Variants in SCAPER observed in about 807,000 individuals in gnomAD.
The protein encoded by SCAPER is S-phase cyclin A associated protein in the ER.
A neutral mutation model predicts 182.2 loss-of-function variants in SCAPER; 98 were observed. That is an observed-to-expected ratio of 0.54 (90% CI 0.46 to 0.64). The LOEUF is 0.64. SCAPER is among the 30% of genes least tolerant of loss of function. The pLI is 0.00. For missense variants in SCAPER, 1,432 were observed against 1,690.0 expected (o/e 0.85, Z 2.68); for synonymous variants, 605 against 564.6 (o/e 1.07, Z -1.01).
chr15:76,595,200 C>G (rs2049402102), intron 22 of SCAPER, among the ~76,000 whole-genome samples: 1 of 121,096 alleles, frequency 8.3e-6, no homozygotes, highest in Non-Finnish European at 2.0e-5. Context: ...TAAAACAGAC[C>G]TTTAGCCAAC....
chr15:76,764,110 T>C (rs1009132374), intron 14 of SCAPER, among the ~76,000 whole-genome samples: 8 of 152,252 alleles, frequency 5.3e-5, no homozygotes, highest in African/African-American at 1.7e-4. Flanking sequence ...TCAGAAAGGA[T>C]AGTCAATTGC....
rs1003554050 is a variant in SCAPER at position 76,728,487 on chromosome 15, C to T, written c.2165+108G>A. 1.2e-5 allele frequency: 17 copies of T among 1,443,940 alleles called. No individual in the cohort carries two copies. The Middle Eastern group carries it at 5.4e-4, about 46-fold the overall frequency. 89.4% of individuals were successfully genotyped at this position (1,443,940 alleles called of 1,614,324 possible). On this transcript the variant is annotated intron_variant, in intron 17 of 31. Coordinates refer to ENST00000563290, the MANE Select transcript of SCAPER (RefSeq NM_020843.4). ...AGTTCAAGATCAACCTGGGGAACAT[C>T]GCAAAACCTCATCTCAAAAAAACTC...
chr15:76,573,678 A>G (rs548019143), intron 23 of SCAPER, among the ~76,000 whole-genome samples: 2 of 152,240 alleles, frequency 1.3e-5, no homozygotes, highest in East Asian at 3.9e-4. Context: ...TCCTATAGTG[A>G]ATAATAAATA....
chr15:76,501,940 A>G (rs1238198624), intron 24 of SCAPER, among the ~76,000 whole-genome samples: 2 of 152,206 alleles, frequency 1.3e-5, no homozygotes, highest in Admixed American at 1.3e-4. Context: ...TTTAAATCTG[A>G]AGTGGTTACA....
intron 4 of SCAPER, chr15:76,855,840 G>A (rs2071311246): frequency 4.6e-6 from 2 of 436,730 alleles, no homozygotes; most frequent in Non-Finnish European, 9.3e-6. Flanking sequence ...AATTAGTTCG[G>A]CCATTATGGA....
intron 20 of SCAPER, among the ~76,000 whole-genome samples, chr15:76,698,178 A>C (rs969741517): frequency 6.6e-6 from 1 of 152,066 alleles, no homozygotes; most frequent in Non-Finnish European, 1.5e-5. Context: ...ATTTGAGGCA[A>C]ACTAGATTAT....
At chr15:76,423,759 T>C (rs1364833228) in intron 26 of SCAPER, among the ~76,000 whole-genome samples, 1 of 152,220 alleles carries the variant, frequency 6.6e-6, no homozygotes, top group East Asian at 1.9e-4. Context: ...GGGCATTCAG[T>C]GCTATAAATT....
At chr15:76,595,176 G>C (rs1309343453) in intron 22 of SCAPER, among the ~76,000 whole-genome samples, 1 of 121,388 alleles carries the variant, frequency 8.2e-6, no homozygotes, top group African/African-American at 2.5e-5. Flanking sequence ...AGGGGTTGCA[G>C]TCCTAGTCTC....
At chr15:76,568,224 T>TAC (rs1555487915) in intron 23 of SCAPER, among the ~76,000 whole-genome samples, 151 of 142,884 alleles carry the variant, frequency 1.1e-3, no homozygotes, top group African/African-American at 3.5e-3. Flanking sequence ...TATATATATA[T>TAC]ACAAATGGGA....
intron 22 of SCAPER, among the ~76,000 whole-genome samples, chr15:76,621,115 T>G (rs1427666265): frequency 6.6e-6 from 1 of 152,238 alleles, no homozygotes; most frequent in Non-Finnish European, 1.5e-5. Flanking sequence ...CCTAAACTGC[T>G]AATGCACACT....
intron 23 of SCAPER, among the ~76,000 whole-genome samples, chr15:76,538,406 G>C (rs950143924): frequency 6.6e-6 from 1 of 150,852 alleles, no homozygotes; most frequent in African/African-American, 2.4e-5. Flanking sequence ...ATGAGTTCAT[G>C]TCCTTTGTAG....
intron 18 of SCAPER, 114 bp from the exon 19 acceptor site, chr15:76,703,116 A>G: frequency 2.7e-6 from 3 of 1,118,206 alleles, no homozygotes; most frequent in Non-Finnish European, 3.7e-6. Flanking sequence ...CGTTTCTATG[A>G]CAACTTACAC....
chr15:76,426,394 G>A (rs1487947708), intron 26 of SCAPER, among the ~76,000 whole-genome samples: 3 of 152,186 alleles, frequency 2.0e-5, no homozygotes, highest in Non-Finnish European at 2.9e-5. Flanking sequence ...CCATGGGTGT[G>A]GGACCCTCTG....
At chr15:76,703,684 C>T (rs923086119) in intron 18 of SCAPER, among the ~76,000 whole-genome samples, 18 of 152,162 alleles carry the variant, frequency 1.2e-4, no homozygotes, top group African/African-American at 4.3e-4. Flanking sequence ...TCTGACACTC[C>T]TCATATTAGA....
intron 1 of SCAPER, among the ~76,000 whole-genome samples, chr15:76,888,901 GA>G (rs1326623407): frequency 1.3e-5 from 2 of 152,148 alleles, no homozygotes; most frequent in African/African-American, 2.4e-5. Context: ...TGAAATAAAG[GA>G]AAAAATGTTA....
intron 14 of SCAPER, among the ~76,000 whole-genome samples, chr15:76,755,263 A>G (rs1351918420): frequency 6.6e-6 from 1 of 152,180 alleles, no homozygotes; most frequent in Admixed American, 6.5e-5. Context: ...TTTCATATCA[A>G]ATCTATTCAT....
intron 5 of SCAPER, among the ~76,000 whole-genome samples, chr15:76,813,244 A>AC (rs1568219749): frequency 6.5e-4 from 37 of 56,608 alleles, no homozygotes; most frequent in Non-Finnish European, 8.3e-4. Flanking sequence ...AAAAAAAAAA[A>AC]AAAAAAAAAA....
intron 25 of SCAPER, among the ~76,000 whole-genome samples, chr15:76,438,119 A>G (rs2047315284): frequency 6.6e-6 from 1 of 151,954 alleles, no homozygotes; most frequent in African/African-American, 2.4e-5. Context: ...TGTATCTACT[A>G]AAAATACAAA....
At chr15:76,600,387 ATGTG>A (rs60494575) in intron 22 of SCAPER, among the ~76,000 whole-genome samples, 3,402 of 88,686 alleles carry the variant, frequency 0.038, 637 homozygotes, top group Middle Eastern at 0.074. Context: ...GTGTGTGTAT[ATGTG>A]TGTGTGTGTG....
Sources: gnomAD v4.1 joint callset for allele counts (sites outside exome capture counted in the v4.1 genomes callset) on GRCh38, gnomAD v4.1.1 for gene constraint, MANE v1.5 for transcripts, NCBI Gene and HGNC (gene_info 2026-07-23, HGNC 2026-07-21) for gene names.